TRIM31: variants seen among roughly 807,000 people sequenced by gnomAD.
The protein encoded by TRIM31 is E3 ubiquitin-protein ligase TRIM31.
TRIM31 carries 31 observed loss-of-function variants against 40.6 expected under a neutral mutation model. That is an observed-to-expected ratio of 0.76 (90% CI 0.57 to 1.03). The LOEUF is 1.03. TRIM31 is among the 50% of genes least tolerant of loss of function. The pLI is 0.00. For synonymous variants in TRIM31, 164 were observed against 193.9 expected (o/e 0.85, Z 1.28); for missense variants, 455 against 497.5 (o/e 0.91, Z 0.81).
intron 4 of TRIM31, 89 bp downstream of exon 4, chr6:30,110,359 T>C (rs1175326792): frequency 2.3e-6 from 3 of 1,279,788 alleles, no homozygotes; most frequent in Non-Finnish European, 3.4e-6. Context: ...GTTGGGGCAA[T>C]CTCAGGTATT....
In TRIM31 at chr6:30,112,765, A is replaced by G. The variant is rs752340890; in HGVS notation, c.41T>C (p.Val14Ala). 6.2e-7 allele frequency: 1 copy of G among 1,612,462 alleles called. No homozygotes were observed. The highest frequency in any genetic ancestry group is 2.2e-5 in the East Asian group (1 of 44,874). ...AATGTCCAGGCAGATGGGGCAGATC[A>G]CTTCCTCTTGCAGTTTGTTCACAAA... is the stretch of plus-strand genomic sequence containing the variant. ...GQFVNKLQEE[V>A]ICPICLDILQ... The change falls in exon 2 of 9, where the codon GTG becomes GCG. Residue 14 changes from valine (V) to alanine (A), a missense_variant. Val to Ala is a moderately conservative substitution (Grantham distance 64). Transcript: ENST00000376734.
In TRIM31 at chr6:30,111,686, C is replaced by G; in HGVS notation, c.475G>C (p.Val159Leu). Residue 159 changes from valine (V) to leucine (L), a missense_variant, in exon 3 of 9, where the codon GTG (valine) becomes CTG (leucine). By Grantham distance (32) the Val-to-Leu change is conservative. Coordinates refer to ENST00000376734, the MANE Select transcript of TRIM31 (RefSeq NM_007028.5). ...ACCCTGTGTACACCTTGTGCCTTCA[C>G]TTGTACTGTCTCCTTCTCCTTTTGC... ...LQQKEKETVQ[V>L]KAQGVHRVDV... The G allele has an allele frequency of 1.2e-6, 2 of 1,614,232 alleles. No homozygotes were observed. Among genetic ancestry groups the G allele is most frequent in the Non-Finnish European group, 1.7e-6 (2 of 1,180,046 alleles).
intron 1 of TRIM31, 54 bp from the exon 2 acceptor site, chr6:30,112,942 A>G: frequency 1.3e-6 from 1 of 742,188 alleles, no homozygotes. Context: ...TCTGCCAATT[A>G]GTTAGAAGAG....
At chr6:30,111,410 A>ACC in intron 3 of TRIM31, 1 of 534,276 alleles carries the variant, frequency 1.9e-6, no homozygotes, top group East Asian at 3.1e-5. Flanking sequence ...CGATTCTAAG[A>ACC]CCAGCGCGGG....
intron 6 of TRIM31, chr6:30,107,758 A>C (rs1376311676): frequency 3.5e-6 from 1 of 282,994 alleles, no homozygotes; most frequent in Non-Finnish European, 6.7e-6. Flanking sequence ...ACTCATCACC[A>C]ACTTCCCAAC....
chr6:30,103,516 C>T lies in TRIM31; in HGVS notation c.*20G>A, dbSNP rs749077550. 7.4e-6 allele frequency: 12 copies of T among 1,611,602 alleles called. No homozygotes were observed. The highest frequency in any genetic ancestry group is 1.7e-5 in the Admixed American group (1 of 59,954). On this transcript the variant is annotated 3_prime_UTR_variant, in exon 9 of 9. Transcript: ENST00000376734. ...CGAAGTCCGTGTAGCACCACCGCTCCCCGTGTTCTCTGAGCTGGCTTAGCT... is the reference window on the plus strand; with the variant it reads ...CGAAGTCCGTGTAGCACCACCGCTCTCCGTGTTCTCTGAGCTGGCTTAGCT...
chr6:30,106,074 G>A (rs991462201), intron 6 of TRIM31, among the ~76,000 whole-genome samples: 5 of 152,198 alleles, frequency 3.3e-5, no homozygotes, highest in Non-Finnish European at 7.3e-5. Context: ...CAGAAGCTGG[G>A]GACAATGGCC....
chr6:30,108,906 G>A (rs541783452), intron 5 of TRIM31, 120 bp downstream of exon 5: 1 of 1,063,412 alleles, frequency 9.4e-7, no homozygotes, highest in South Asian at 1.3e-5. Flanking sequence ...ATGTATGAAT[G>A]CAGAGTTAGA....
intron 3 of TRIM31, 54 bp downstream of exon 3, chr6:30,111,594 G>A: frequency 1.3e-6 from 2 of 1,558,944 alleles, no homozygotes; most frequent in Non-Finnish European, 1.8e-6. Flanking sequence ...GATTCCAGGA[G>A]CTTTGGCAGA....
In TRIM31 at chr6:30,112,620, CTTCCTTACGGAAGT is replaced by C. The variant is rs1769470501; in HGVS notation, c.172_185del (p.Thr58GlufsTer23). 2 of 1,612,988 alleles carry C rather than the reference CTTCCTTACGGAAGT, an allele frequency of 1.2e-6. No individual in the cohort carries two copies. The highest frequency in any genetic ancestry group is 2.7e-5 in the African/African-American group (2 of 74,932). On this transcript the variant is annotated frameshift_variant, in exon 2 of 9. Transcript: ENST00000376734. LOFTEE classifies it high-confidence loss of function. ...ACAGCGAGTTGAACCTGATTGCGTT[CTTCCTTACGGAAGT>C]TTTGCAGAGGGGACATTTGAAAAAT...
At chr6:30,105,418 A>C (rs3132680) in intron 6 of TRIM31, 176 bp from the exon 7 acceptor site, 409,343 of 570,172 alleles carry the variant, frequency 0.72, 148,920 homozygotes, top group African/African-American at 0.84. Flanking sequence ...GCCCTTTCTG[A>C]TTTCCTGTGG....
At chr6:30,104,212 A>G in intron 7 of TRIM31, 45 bp from the exon 8 acceptor site, 1 of 1,599,436 alleles carries the variant, frequency 6.3e-7, no homozygotes, top group Non-Finnish European at 8.6e-7. Flanking sequence ...GATAACCAGA[A>G]GCTGCAAATT....
intron 2 of TRIM31, 60 bp downstream of exon 2, chr6:30,112,329 C>T (rs1769414804): frequency 1.3e-6 from 2 of 1,546,792 alleles, no homozygotes; most frequent in South Asian, 2.5e-5. Flanking sequence ...TAGCAGTTTC[C>T]AGGGCCTCAC....
Position 30,112,429 on chromosome 6 carries a change from T to G in TRIM31, c.377A>C (p.His126Pro), listed in dbSNP as rs758197634. The change falls in exon 2 of 9, where the codon CAT (histidine) becomes CCT (proline). Residue 126 changes from histidine (H) to proline (P), a missense_variant. Transcript: ENST00000376734. ...AGCTTCTTCGATCAAGCTGACATTA[T>G]GGGATTTGTGGTCCTTGGATTCACG... ...VCRESKDHKS[H>P]NVSLIEEAAQ... 6.2e-7 allele frequency: 1 copy of G among 1,612,970 alleles called. No individual in the cohort carries two copies. Among genetic ancestry groups the G allele is most frequent in the Admixed American group, 1.7e-5 (1 of 59,990 alleles).
chr6:30,109,402 T>G (rs1769070541), intron 4 of TRIM31, among the ~76,000 whole-genome samples: 1 of 152,044 alleles, frequency 6.6e-6, no homozygotes, highest in South Asian at 2.1e-4. Context: ...ATAAATAGGT[T>G]TTTGAACCTG....
chr6:30,106,780 A>G (rs28780083), intron 6 of TRIM31, among the ~76,000 whole-genome samples: 13,372 of 152,098 alleles, frequency 0.088, 744 homozygotes, highest in South Asian at 0.15. Context: ...CTAGAACCAA[A>G]CTATTCTTGA....
chr6:30,103,597 G>T lies in TRIM31; in HGVS notation c.1217C>A (p.Ala406Glu), dbSNP rs764555486. The T allele has an allele frequency of 6.2e-7, 1 of 1,612,942 alleles. No homozygotes were observed. Among genetic ancestry groups the T allele is most frequent in the South Asian group, 1.1e-5 (1 of 91,080 alleles). The change falls in exon 9 of 9, where the codon GCG becomes GAG. Residue 406 changes from alanine (A) to glutamate (E), a missense_variant. By Grantham distance (107) the Ala-to-Glu change is moderately radical. Coordinates refer to ENST00000376734, the MANE Select transcript of TRIM31 (RefSeq NM_007028.5). ...CGCTGTCAGCCACTCACTCAGTGCC[G>T]CATGGAGCTCCTCGGACAGCGCAAC... Reference protein sequence around the residue: ...FDVALSEELHAALSEWLTAIR... With the variant: ...FDVALSEELHEALSEWLTAIR...
chr6:30,109,150 G>A (rs118071587), intron 4 of TRIM31, 102 bp from the exon 5 acceptor site: 1 of 1,197,608 alleles, frequency 8.3e-7, no homozygotes, highest in East Asian at 2.3e-5. Flanking sequence ...AGCAGGAGGA[G>A]TAAGAACCCC....
intron 5 of TRIM31, chr6:30,108,711 G>T (rs891075077): frequency 1.9e-6 from 1 of 517,938 alleles, no homozygotes; most frequent in Non-Finnish European, 3.5e-6. Context: ...CAGAGAGGAG[G>T]GAAAAAAACA....
Sources: gnomAD v4.1 joint callset for allele counts (sites outside exome capture counted in the v4.1 genomes callset) on GRCh38, gnomAD v4.1.1 for gene constraint, MANE v1.5 for transcripts, NCBI Gene and HGNC (gene_info 2026-07-23, HGNC 2026-07-21) for gene names.